Variants in CUX2 observed in about 807,000 individuals in gnomAD.
CUX2 encodes homeobox protein cut-like 2.
CUX2 carries 40 observed loss-of-function variants against 144.8 expected under a neutral mutation model. The ratio of observed to expected loss-of-function variants is 0.28; its 90% confidence interval spans 0.21 to 0.36. CUX2 has a LOEUF of 0.36. CUX2 is among the 10% of genes least tolerant of loss of function. The pLI is 1.00. For missense variants in CUX2, 1,615 were observed against 1,994.0 expected (o/e 0.81, Z 3.62); for synonymous variants, 827 against 875.6 (o/e 0.94, Z 0.98).
intron 1 of CUX2, among the ~76,000 whole-genome samples, chr12:111,159,090 G>A (rs1020134260): frequency 6.6e-6 from 1 of 152,150 alleles, no homozygotes; most frequent in African/African-American, 2.4e-5. Context: ...ACTCAGACAG[G>A]TGTTGATAGT....
At chr12:111,090,227 G>A (rs1244646587) in intron 1 of CUX2, among the ~76,000 whole-genome samples, 4 of 152,190 alleles carry the variant, frequency 2.6e-5, no homozygotes, top group African/African-American at 7.2e-5. Flanking sequence ...TCAGGTGAGC[G>A]AGGTTTCTGT....
chr12:111,070,628 G>C (rs1475950247), intron 1 of CUX2, among the ~76,000 whole-genome samples: 1 of 152,102 alleles, frequency 6.6e-6, no homozygotes, highest in Non-Finnish European at 1.5e-5. Context: ...AGAGTCTGTA[G>C]TTTACATTAG....
chr12:111,114,584 G>A (rs1874176761), intron 1 of CUX2, among the ~76,000 whole-genome samples: 1 of 152,196 alleles, frequency 6.6e-6, no homozygotes, highest in African/African-American at 2.4e-5. Context: ...AGATGCTGCA[G>A]CCGTGAATGT....
chr12:111,070,938 T>C (rs931758272), intron 1 of CUX2, among the ~76,000 whole-genome samples: 1 of 152,242 alleles, frequency 6.6e-6, no homozygotes, highest in Admixed American at 6.5e-5. Context: ...CCTGGCTTTT[T>C]AGCTCATCTT....
chr12:111,264,888 G>A (rs918625837), intron 4 of CUX2, among the ~76,000 whole-genome samples: 30 of 129,636 alleles, frequency 2.3e-4, no homozygotes, highest in African/African-American at 1.0e-3. Flanking sequence ...CAGGCAAGCC[G>A]TAGATAAGAG....
At chr12:111,118,417 G>C (rs1159505253) in intron 1 of CUX2, among the ~76,000 whole-genome samples, 1 of 152,218 alleles carries the variant, frequency 6.6e-6, no homozygotes, top group South Asian at 2.1e-4. Context: ...GTGATGTCCA[G>C]TTGGTAGATT....
intron 4 of CUX2, among the ~76,000 whole-genome samples, chr12:111,284,600 T>C (rs1330004107): frequency 1.3e-5 from 2 of 152,310 alleles, no homozygotes; most frequent in Middle Eastern, 3.4e-3. Context: ...AGTGTCACCA[T>C]TTTACAGAAG....
chr12:111,328,577 CTT>C (rs1491579938), intron 18 of CUX2, among the ~76,000 whole-genome samples: 1 of 112,788 alleles, frequency 8.9e-6, no homozygotes, highest in African/African-American at 3.5e-5. Flanking sequence ...CCTCCAATTT[CTT>C]TTGTGTGTGT....
Position 111,239,529 on chromosome 12 carries a change from C to T in CUX2, c.222+21592C>T, listed in dbSNP as rs1254728041. ...GATACATCGACAGGCAATAGGAAGC[C>T]GGACCCCTCACCAGTCCTGGCCCCA... On this transcript the variant is annotated intron_variant, in intron 3 of 21. Coordinates refer to ENST00000261726, the MANE Select transcript of CUX2 (RefSeq NM_015267.4). 2.0e-5 allele frequency among the ~76,000 whole-genome samples: 3 copies of T among 152,294 alleles called. No homozygotes were observed. The East Asian group carries it at 5.8e-4, about 29-fold the overall frequency.
Position 111,287,099 on chromosome 12 carries a change from T to G in CUX2, c.302-4319T>G, listed in dbSNP as rs1885424448. ...CAGCCCCTGTTCCCACCAGCCTCTC[T>G]GGGGAGCCACCTGAGGCCAGCCTCC... is the stretch of plus-strand genomic sequence containing the variant. On this transcript the variant is annotated intron_variant, in intron 4 of 21. Coordinates refer to ENST00000261726, the MANE Select transcript of CUX2 (RefSeq NM_015267.4). This position sits in a 1 kb window ranked among gnomAD's most constrained non-coding sequence, Gnocchi z 4.2. Among the ~76,000 whole-genome samples, 1 of 152,220 alleles carries G rather than the reference T, an allele frequency of 6.6e-6. No homozygotes were observed. The highest frequency in any genetic ancestry group is 1.5e-5 in the Non-Finnish European group (1 of 68,024).
At chr12:111,251,568 C>T (rs1287535645) in intron 3 of CUX2, among the ~76,000 whole-genome samples, 3 of 152,180 alleles carry the variant, frequency 2.0e-5, no homozygotes, top group Non-Finnish European at 1.5e-5. Flanking sequence ...GAACACCACT[C>T]GCGGTATCTC....
chr12:111,290,182 T>C (rs776685946), intron 4 of CUX2, among the ~76,000 whole-genome samples: 27 of 152,288 alleles, frequency 1.8e-4, no homozygotes, highest in Admixed American at 1.3e-4. Context: ...CAGGGCAACA[T>C]GGTGAGACTT....
intron 1 of CUX2, among the ~76,000 whole-genome samples, chr12:111,129,283 T>C (rs1463190270): frequency 6.6e-6 from 1 of 152,192 alleles, no homozygotes; most frequent in Admixed American, 6.5e-5. Flanking sequence ...GGGTGAAATC[T>C]TGTGGAAGGG....
rs764139339 is a variant in CUX2, at chr12:111,034,283, C to A, written c.63+43C>A. On this transcript the variant is annotated intron_variant, in intron 1 of 21. Transcript: ENST00000261726. This position sits in a 1 kb window ranked among gnomAD's most constrained non-coding sequence, Gnocchi z 4.2. ...CGGCCGCGCGGCCGTGAGGAGCCCC[C>A]GGGCGCGCCCTGGGCGCATTGGGGA... The A allele has an allele frequency of 8.0e-7, 1 of 1,257,270 alleles. No individual in the cohort carries two copies. Among genetic ancestry groups the A allele is most frequent in the Non-Finnish European group, 1.0e-6 (1 of 963,516 alleles). 77.9% of individuals were successfully genotyped at this position (1,257,270 alleles called of 1,614,324 possible).
chr12:111,112,396 ATGTT>A (rs1467344096), intron 1 of CUX2, among the ~76,000 whole-genome samples: 7 of 152,210 alleles, frequency 4.6e-5, no homozygotes, highest in African/African-American at 1.7e-4. Context: ...GCAGAAATCA[ATGTT>A]TGCTGCATTA....
chr12:111,299,740 C>T (rs977725337), intron 9 of CUX2, among the ~76,000 whole-genome samples: 6 of 152,204 alleles, frequency 3.9e-5, no homozygotes, highest in Admixed American at 2.0e-4. Context: ...TAGTTCAGAA[C>T]TCAAGAAGCT....
intron 20 of CUX2, among the ~76,000 whole-genome samples, chr12:111,338,862 C>G (rs955209634): frequency 1.6e-4 from 24 of 152,012 alleles, no homozygotes; most frequent in African/African-American, 5.8e-4. Flanking sequence ...CCACTGCACT[C>G]CAGCCTGTGC....
chr12:111,166,148 A>T (rs541401068), intron 1 of CUX2, among the ~76,000 whole-genome samples: 14 of 152,214 alleles, frequency 9.2e-5, no homozygotes, highest in Non-Finnish European at 1.9e-4. Flanking sequence ...CCTCCTGAGT[A>T]GCTGGGACTA....
intron 15 of CUX2, among the ~76,000 whole-genome samples, chr12:111,311,591 T>TTTA (rs1354596066): frequency 4.6e-5 from 6 of 130,094 alleles, no homozygotes; most frequent in South Asian, 2.5e-4. Context: ...ACCCTATTTC[T>TTTA]TTATTATTAT....
Sources: gnomAD v4.1 joint callset for allele counts (sites outside exome capture counted in the v4.1 genomes callset) on GRCh38, gnomAD v4.1.1 for gene constraint, Gnocchi (gnomAD v3.1) non-coding constraint, MANE v1.5 for transcripts, NCBI Gene and HGNC (gene_info 2026-07-23, HGNC 2026-07-21) for gene names.